DDX31: variants seen among roughly 807,000 people sequenced by gnomAD.
DDX31 encodes the protein DEAD-box helicase 31.
Under a neutral mutation model 91.3 loss-of-function variants are expected in DDX31, and 70 were observed. The observed-to-expected ratio is 0.77, with a 90% CI of 0.63 to 0.94. DDX31 has a LOEUF of 0.94. Among genes scored for constraint, DDX31 ranks in the 40% least tolerant of loss-of-function variants. The probability of loss-of-function intolerance (pLI) is 0.00; values close to 1 mark genes in which losing one functional copy is unlikely to be tolerated. For synonymous variants in DDX31, 362 were observed against 350.6 expected (o/e 1.03, Z -0.36); for missense variants, 902 against 925.0 (o/e 0.98, Z 0.32).
intron 19 of DDX31, among the ~76,000 whole-genome samples, chr9:132,605,970 G>A (rs11243840): frequency 0.13 from 20,338 of 152,144 alleles, 1,532 homozygotes; most frequent in Admixed American, 0.18. Context: ...CAGAGGTTCG[G>A]ATGGAGCGCC....
intron 11 of DDX31, among the ~76,000 whole-genome samples, chr9:132,647,809 AG>A (rs1350301624): frequency 5.3e-5 from 8 of 152,192 alleles, no homozygotes; most frequent in Admixed American, 1.3e-4. Context: ...GCTCTATAGG[AG>A]GAAGAGTGAT....
At chr9:132,635,149 G>A (rs538897906) in intron 14 of DDX31, among the ~76,000 whole-genome samples, 1 of 152,232 alleles carries the variant, frequency 6.6e-6, no homozygotes, top group African/African-American at 2.4e-5. Context: ...GTTCCATGTC[G>A]GGAAACACAC....
chr9:132,638,493 C>T, intron 14 of DDX31: 2 of 1,303,592 alleles, frequency 1.5e-6, no homozygotes, highest in Non-Finnish European at 2.2e-6. Flanking sequence ...ATCCCTACTT[C>T]CTACTTAACT....
intron 19 of DDX31, among the ~76,000 whole-genome samples, chr9:132,605,119 C>T (rs1281945066): frequency 6.6e-6 from 1 of 152,178 alleles, no homozygotes. Context: ...AAATTCACTA[C>T]ACAATAAAAA....
chr9:132,609,489 G>C (rs538270109), intron 19 of DDX31, among the ~76,000 whole-genome samples: 1 of 152,094 alleles, frequency 6.6e-6, no homozygotes, highest in Non-Finnish European at 1.5e-5. Context: ...GATCTGGGCC[G>C]GTCTGAGGAG....
chr9:132,611,227 G>A (rs1404449927), intron 19 of DDX31, among the ~76,000 whole-genome samples: 1 of 152,106 alleles, frequency 6.6e-6, no homozygotes, highest in African/African-American at 2.4e-5. Context: ...CAACGTTCTG[G>A]GATTGAACCC....
intron 19 of DDX31, among the ~76,000 whole-genome samples, chr9:132,605,551 G>T (rs908381658): frequency 6.6e-6 from 1 of 152,198 alleles, no homozygotes; most frequent in Non-Finnish European, 1.5e-5. Context: ...CCAGGCAGGG[G>T]CTGTTCTCTA....
At chr9:132,596,170 G>T (rs749886475) in intron 19 of DDX31, among the ~76,000 whole-genome samples, 19 of 152,156 alleles carry the variant, frequency 1.2e-4, no homozygotes, top group Non-Finnish European at 1.0e-4. Flanking sequence ...TGTAATCAGA[G>T]AATAAACTGA....
At chr9:132,652,559 C>A in intron 6 of DDX31, 67 bp from the exon 7 acceptor site, 2 of 1,593,522 alleles carry the variant, frequency 1.3e-6, no homozygotes. Flanking sequence ...ACGGACAGGA[C>A]ACAGGGGTGG....
intron 14 of DDX31, 58 bp downstream of exon 14, chr9:132,641,946 T>A (rs1317189298): frequency 1.5e-5 from 24 of 1,550,012 alleles, no homozygotes; most frequent in Admixed American, 3.3e-5. Context: ...AGACGAAAGA[T>A]TACACAGCCA....
At chr9:132,650,529 T>A (rs1834121721) in intron 8 of DDX31, among the ~76,000 whole-genome samples, 1 of 152,188 alleles carries the variant, frequency 6.6e-6, no homozygotes, top group African/African-American at 2.4e-5. Flanking sequence ...GAGAGAGAAA[T>A]GTGAGCTTCT....
In DDX31 at chr9:132,669,791, C is replaced by A; in HGVS notation, c.75+69G>T. ...CTCGAAACCCGACTCCAAGGCACGGCTGCAGCTCGCGGCGCGCCCACAGCC... is the reference window on the plus strand; with the variant it reads ...CTCGAAACCCGACTCCAAGGCACGGATGCAGCTCGCGGCGCGCCCACAGCC... On this transcript the variant is annotated intron_variant, in intron 1 of 19. Transcript: ENST00000372159. 2.0e-6 allele frequency: 3 copies of A among 1,520,402 alleles called. No individual in the cohort carries two copies. In the South Asian group the frequency reaches 3.7e-5, roughly 19 times the overall value. 94.2% of individuals were successfully genotyped at this position (1,520,402 alleles called of 1,614,324 possible).
intron 1 of DDX31, among the ~76,000 whole-genome samples, chr9:132,663,809 T>A (rs1234824199): frequency 6.6e-6 from 1 of 152,192 alleles, no homozygotes; most frequent in Non-Finnish European, 1.5e-5. Flanking sequence ...ATTAATAAAG[T>A]AAAAACGGAC....
At chr9:132,635,369 C>G (rs1382320336) in intron 14 of DDX31, among the ~76,000 whole-genome samples, 1 of 151,732 alleles carries the variant, frequency 6.6e-6, no homozygotes. Flanking sequence ...TTCCTTCCAT[C>G]CATTTCACAG....
chr9:132,621,622 C>T (rs996731866), intron 17 of DDX31, among the ~76,000 whole-genome samples: 1 of 152,168 alleles, frequency 6.6e-6, no homozygotes, highest in Non-Finnish European at 1.5e-5. Context: ...AAAGGCCTAG[C>T]TACTGAACCC....
At chr9:132,635,412 C>T (rs962535546) in intron 14 of DDX31, among the ~76,000 whole-genome samples, 1 of 151,572 alleles carries the variant, frequency 6.6e-6, no homozygotes, top group African/African-American at 2.4e-5. Context: ...CAGCCCACCC[C>T]CAACCTACTG....
chr9:132,638,430 T>C (rs1833262000), intron 14 of DDX31: 1 of 1,608,162 alleles, frequency 6.2e-7, no homozygotes, highest in Admixed American at 1.7e-5. Flanking sequence ...CTTTGATTGC[T>C]TAATTCCACT....
rs1315398950 is a variant in DDX31 at position 132,593,073 on chromosome 9, C to G, written c.*1793G>C. 6.6e-6 allele frequency: 1 copy of G among 152,168 alleles called. No individual in the cohort carries two copies. The highest frequency in any genetic ancestry group is 2.4e-5 in the African/African-American group (1 of 41,420). The allele number at this position is 152,168 out of a possible 1,614,324, so 9.4% of individuals were successfully genotyped here. A position where few individuals can be genotyped will look rare whatever the true frequency, so the allele number is the denominator to read the frequency against. ...CCTTAAATCTGCTAAATCCATGTTT[C>G]TTTATTAACTGGGGTAATATAGTGA... On this transcript the variant is annotated 3_prime_UTR_variant, in exon 20 of 20. Transcript: ENST00000372159.
Position 132,595,000 on chromosome 9 carries a change from G to A in DDX31, c.2107C>T (p.Pro703Ser). 3.1e-6 allele frequency: 5 copies of A among 1,614,214 alleles called. No individual in the cohort carries two copies. Among genetic ancestry groups the A allele is most frequent in the Non-Finnish European group, 4.2e-6 (5 of 1,180,034 alleles). Residue 703 changes from proline to serine, a missense_variant, in exon 20 of 20, where the codon CCT becomes TCT. Coordinates refer to ENST00000372159, the MANE Select transcript of DDX31 (RefSeq NM_022779.9). ...AGGGGCCGGCCACCAGGCTCTCCAG[G>A]TGCGTTTTGCTTTTTGACCTTGGCG... ...DIAKVKKQNA[P>S]GEPGGRPLQH...
Sources: allele counts gnomAD v4.1 joint callset (sites outside exome capture counted in the v4.1 genomes callset), GRCh38; gene constraint gnomAD v4.1.1; transcripts MANE v1.5; gene names NCBI Gene and HGNC (gene_info 2026-07-23, HGNC 2026-07-21).